ANGPT2: variants seen among roughly 807,000 people sequenced by gnomAD.
ANGPT2 encodes angiopoietin 2, also known as angiopoietin-2.
In ANGPT2, 28 loss-of-function variants were observed where a neutral mutation model predicts 62.9. The ratio of observed to expected loss-of-function variants is 0.44; its 90% CI spans 0.33 to 0.61. The LOEUF is 0.61. Among genes scored for constraint, ANGPT2 ranks in the 20% least tolerant of loss-of-function variants. ANGPT2 has a pLI of 0.03. For synonymous variants in ANGPT2, 284 were observed against 207.8 expected, an observed-to-expected ratio of 1.37 and a Z score of -3.15; for missense variants, 727 against 594.9, an observed-to-expected ratio of 1.22 and a Z score of -2.31.
chr8:6,532,700 G>C (rs1012254051), intron 1 of ANGPT2, among the ~76,000 whole-genome samples: 1 of 151,624 alleles, frequency 6.6e-6, no homozygotes. Context: ...TGGCAACTTA[G>C]TCACATCATG....
intron 7 of ANGPT2, among the ~76,000 whole-genome samples, chr8:6,513,178 T>A (rs188391072): frequency 9.2e-5 from 14 of 152,368 alleles, no homozygotes; most frequent in African/African-American, 3.4e-4. Flanking sequence ...ACTGTTTGTA[T>A]GAAGTTTCTT....
Position 6,542,511 on chromosome 8 carries a change from G to A in ANGPT2, c.289-10024C>T, listed in dbSNP as rs553229244. Among the ~76,000 whole-genome samples the A allele has an allele frequency of 1.8e-4, 28 of 152,100 alleles. No homozygotes were observed. The South Asian group carries it at 4.8e-3, about 26-fold the overall frequency. ...CGCTAGCGCCTGGGTCACAGTGCTA[G>A]CTGGTAGCAGAGTACTAACTTAAAC... On this transcript the variant is annotated intron_variant, in intron 1 of 8. Coordinates refer to ENST00000629816, the MANE Select transcript of ANGPT2 (RefSeq NM_001118887.2).
chr8:6,551,078 G>T (rs575543491), intron 1 of ANGPT2, among the ~76,000 whole-genome samples: 84 of 152,322 alleles, frequency 5.5e-4, no homozygotes, highest in African/African-American at 1.9e-3. Context: ...CTAGGTAAGG[G>T]ATTTCCTTGG....
chr8:6,540,544 C>T (rs1308833930), intron 1 of ANGPT2, among the ~76,000 whole-genome samples: 1 of 152,216 alleles, frequency 6.6e-6, no homozygotes, highest in Non-Finnish European at 1.5e-5. Context: ...CTGACACTTG[C>T]ACAGATTCCT....
At chr8:6,516,249 C>G (rs1816241846) in intron 5 of ANGPT2, among the ~76,000 whole-genome samples, 1 of 152,202 alleles carries the variant, frequency 6.6e-6, no homozygotes, top group African/African-American at 2.4e-5. Context: ...ATCATTGCTA[C>G]ACACCACTCT....
intron 5 of ANGPT2, among the ~76,000 whole-genome samples, chr8:6,519,371 G>C (rs999651867): frequency 6.6e-6 from 1 of 152,166 alleles, no homozygotes; most frequent in African/African-American, 2.4e-5. Context: ...AGGCAGGGCA[G>C]CGGTAGCTAA....
intron 2 of ANGPT2, among the ~76,000 whole-genome samples, chr8:6,530,402 G>T (rs2442606): frequency 6.6e-6 from 1 of 151,252 alleles, no homozygotes; most frequent in African/African-American, 2.4e-5. Flanking sequence ...CCAGCTACGC[G>T]GGAGGCTAAG....
At chr8:6,515,319 T>C (rs780001466) in intron 5 of ANGPT2, among the ~76,000 whole-genome samples, 44 of 152,164 alleles carry the variant, frequency 2.9e-4, no homozygotes, top group Non-Finnish European at 4.7e-4. Flanking sequence ...TTCCTTTATG[T>C]GCAATACTAA....
chr8:6,525,048 G>C (rs1335929043), intron 3 of ANGPT2, among the ~76,000 whole-genome samples: 4 of 152,182 alleles, frequency 2.6e-5, no homozygotes, highest in Non-Finnish European at 5.9e-5. Flanking sequence ...TGGCCTCTCG[G>C]GCCCCTTTTA....
At chr8:6,518,528 A>G (rs1465006655) in intron 5 of ANGPT2, among the ~76,000 whole-genome samples, 1 of 152,216 alleles carries the variant, frequency 6.6e-6, no homozygotes, top group African/African-American at 2.4e-5. Flanking sequence ...GAATAGCACA[A>G]TATTTATCTT....
intron 1 of ANGPT2, among the ~76,000 whole-genome samples, chr8:6,555,471 T>C (rs1824438416): frequency 6.6e-6 from 1 of 151,728 alleles, no homozygotes; most frequent in Non-Finnish European, 1.5e-5. Context: ...TGCCCTTTTT[T>C]TTTTTTTGGA....
At chr8:6,527,417 C>G (rs1818535524) in intron 3 of ANGPT2, 138 bp downstream of exon 3, 13 of 1,031,746 alleles carry the variant, frequency 1.3e-5, no homozygotes, top group South Asian at 1.8e-5. Context: ...CCTCTCCCTT[C>G]TCCTCCCTCA....
Position 6,514,777 on chromosome 8 carries a change from G to A in ANGPT2, c.929C>T (p.Ala310Val), listed in dbSNP as rs145141058. Residue 310 changes from alanine (A) to valine (V), a missense_variant and splice_region_variant, in exon 6 of 9, where the codon GCC becomes GTC. By Grantham distance (64) the Ala-to-Val change is moderately conservative. Coordinates refer to ENST00000629816, the MANE Select transcript of ANGPT2 (RefSeq NM_001118887.2). ...TFPNSTEEIK[A>V]YCDMEAGGGG... ...TCCTCCAGCTTCCATGTCACAGTAG[G>A]CCTGCAAACAGGAATGCAGGGTATA... The A allele has an allele frequency of 3.9e-3, 6,261 of 1,613,746 alleles. 39 individuals carry two copies. The highest frequency in any genetic ancestry group is 0.012 in the South Asian group (1,125 of 91,068).
intron 3 of ANGPT2, among the ~76,000 whole-genome samples, chr8:6,527,147 G>C (rs1435635999): frequency 1.3e-5 from 2 of 152,182 alleles, no homozygotes; most frequent in South Asian, 2.1e-4. Context: ...TCACTCCACA[G>C]CACTAGCTGT....
chr8:6,533,151 C>T (rs1380856586), intron 1 of ANGPT2, among the ~76,000 whole-genome samples: 6 of 152,190 alleles, frequency 3.9e-5, no homozygotes, highest in Non-Finnish European at 8.8e-5. Flanking sequence ...AACTTTTAAT[C>T]GCACCTTGGT....
At chr8:6,508,634 C>T in intron 8 of ANGPT2, 1 of 566,234 alleles carries the variant, frequency 1.8e-6, no homozygotes, top group Non-Finnish European at 3.1e-6. Context: ...TCTCTAGTAT[C>T]CAGCAAGCAC....
chr8:6,529,535 T>A (rs988342280), intron 2 of ANGPT2, among the ~76,000 whole-genome samples: 1 of 150,916 alleles, frequency 6.6e-6, no homozygotes, highest in Non-Finnish European at 1.5e-5. Context: ...CACTACAGAC[T>A]CTGCCTCCCA....
At chr8:6,542,551 A>G (rs1042525237) in intron 1 of ANGPT2, among the ~76,000 whole-genome samples, 6 of 150,976 alleles carry the variant, frequency 4.0e-5, no homozygotes, top group African/African-American at 1.5e-4. Flanking sequence ...GTCTCCCAAC[A>G]CCCCATCCCG....
intron 1 of ANGPT2, among the ~76,000 whole-genome samples, chr8:6,534,829 A>G (rs1382723525): frequency 6.6e-6 from 1 of 152,080 alleles, no homozygotes; most frequent in Non-Finnish European, 1.5e-5. Flanking sequence ...TGCCTTTATA[A>G]AACTGTAACT....
Sources: allele counts gnomAD v4.1 joint callset (sites outside exome capture counted in the v4.1 genomes callset), GRCh38; gene constraint gnomAD v4.1.1; transcripts MANE v1.5; gene names NCBI Gene and HGNC (gene_info 2026-07-23, HGNC 2026-07-21).